Variants in RALYL observed in about 807,000 individuals in gnomAD.
The protein encoded by RALYL is RNA-binding Raly-like protein.
RALYL carries 29 observed loss-of-function variants against 35.1 expected under a neutral mutation model. The observed-to-expected ratio is 0.83, with a 90% CI of 0.61 to 1.13. The LOEUF (loss-of-function observed/expected upper bound fraction) is 1.13, where lower values mean the gene tolerates loss of function less well. RALYL is among the 50% of genes most tolerant of loss of function. The pLI, the probability that RALYL is intolerant of heterozygous loss-of-function variation, is 0.00. For synonymous variants in RALYL, 120 were observed against 127.6 expected, an observed-to-expected ratio of 0.94 and a Z score of 0.40; for missense variants, 359 against 360.4, an observed-to-expected ratio of 1.00 and a Z score of 0.03.
intron 2 of RALYL, among the ~76,000 whole-genome samples, chr8:84,657,420 TCAACCGAAAC>T (rs1830154342): frequency 6.6e-6 from 1 of 152,234 alleles, no homozygotes; most frequent in Non-Finnish European, 1.5e-5. Flanking sequence ...AGTCTTACTC[TCAACCGAAAC>T]TGGTTATGGT....
chr8:84,303,429 A>G (rs1841193378), intron 1 of RALYL, among the ~76,000 whole-genome samples: 3 of 152,310 alleles, frequency 2.0e-5, no homozygotes, highest in South Asian at 4.1e-4. Context: ...CTTAAGATAT[A>G]CCTTCCCCTG....
chr8:84,313,671 G>T (rs916569477), intron 1 of RALYL, among the ~76,000 whole-genome samples: 1 of 152,182 alleles, frequency 6.6e-6, no homozygotes, highest in African/African-American at 2.4e-5. Context: ...AGCATAGCAA[G>T]AGTCACCTTT....
In RALYL at chr8:84,342,276, CAATATA is replaced by C. The variant is rs1398541365; in HGVS notation, c.-24+157853_-24+157858del. 1.2e-4 allele frequency among the ~76,000 whole-genome samples: 7 copies of C among 56,804 alleles called. 1 individual carries two copies. Among genetic ancestry groups the C allele is most frequent in the African/African-American group, 2.0e-4 (2 of 9,988 alleles). The allele number at this position is 56,804 out of a possible 152,430, so 37.3% of individuals were successfully genotyped here. A position where few individuals can be genotyped will look rare whatever the true frequency, so the allele number is the denominator to read the frequency against. On this transcript the variant is annotated intron_variant, in intron 1 of 8. Transcript: ENST00000521268. ...GTGAGTGAGGGTACAGAGCATCGTT[CAATATA>C]TATATATATATATAAAACTCAAAAA... is the stretch of plus-strand genomic sequence containing the variant.
intron 7 of RALYL, among the ~76,000 whole-genome samples, chr8:84,881,398 A>T (rs976558846): frequency 2.6e-5 from 4 of 151,980 alleles, no homozygotes; most frequent in African/African-American, 9.7e-5. Context: ...TTGTATCAAC[A>T]TTCTTTCCAA....
chr8:84,521,582 A>G (rs1446826355), intron 1 of RALYL, among the ~76,000 whole-genome samples: 1 of 152,218 alleles, frequency 6.6e-6, no homozygotes, highest in African/African-American at 2.4e-5. Flanking sequence ...TTGGATCTTC[A>G]GCACTTCATT....
chr8:84,221,419 A>T (rs1822177528), intron 1 of RALYL, among the ~76,000 whole-genome samples: 1 of 152,048 alleles, frequency 6.6e-6, no homozygotes, highest in South Asian at 2.1e-4. Flanking sequence ...ACACTTTGAT[A>T]CGAAGTCAGC....
At chr8:84,684,265 T>C (rs780191508) in intron 2 of RALYL, among the ~76,000 whole-genome samples, 55 of 152,344 alleles carry the variant, frequency 3.6e-4, no homozygotes, top group Non-Finnish European at 6.9e-4. Context: ...GAATACGTGA[T>C]ACTTGTGCCA....
intron 2 of RALYL, among the ~76,000 whole-genome samples, chr8:84,697,999 G>T (rs899643558): frequency 2.6e-5 from 4 of 151,998 alleles, no homozygotes; most frequent in African/African-American, 9.7e-5. Context: ...AAAATCCTAG[G>T]TAGTGTTCTC....
chr8:84,469,185 A>C (rs531391904), intron 1 of RALYL, among the ~76,000 whole-genome samples: 1 of 152,246 alleles, frequency 6.6e-6, no homozygotes, highest in East Asian at 1.9e-4. Flanking sequence ...ATTGCTGGTG[A>C]GGAACTGTGT....
chr8:84,844,393 G>T (rs1030971525), intron 4 of RALYL, among the ~76,000 whole-genome samples: 1 of 152,196 alleles, frequency 6.6e-6, no homozygotes, highest in Non-Finnish European at 1.5e-5. Context: ...GGCCATCAGA[G>T]AAATGCAAAT....
chr8:84,564,929 C>T (rs997273735), intron 2 of RALYL, among the ~76,000 whole-genome samples: 1 of 151,626 alleles, frequency 6.6e-6, no homozygotes, highest in Non-Finnish European at 1.5e-5. Flanking sequence ...CAAGTATCTG[C>T]TCATGCCGCA....
intron 4 of RALYL, among the ~76,000 whole-genome samples, chr8:84,808,324 G>T (rs563812788): frequency 6.6e-6 from 1 of 151,928 alleles, no homozygotes; most frequent in Non-Finnish European, 1.5e-5. Flanking sequence ...AAGTATTTGG[G>T]TTTATTTCTG....
At position 84,479,085 on chromosome 8, in the gene RALYL, C is replaced by CAAAAAAAAAAAAA. The variant is rs56799862; in HGVS notation, c.-23-50188_-23-50176dup. On this transcript the variant is annotated intron_variant, in intron 1 of 8. Coordinates refer to ENST00000521268, the MANE Select transcript of RALYL (RefSeq NM_173848.7). ...TAGGTGACAGAGCAAGACTCCGTCT[C>CAAAAAAAAAAAAA]AAAAAAAAAAAAAAAAAAAAAAAAA... 1.8e-4 allele frequency among the ~76,000 whole-genome samples: 4 copies of CAAAAAAAAAAAAA among 21,828 alleles called. 1 individual carries two copies. The highest frequency in any genetic ancestry group is 3.1e-4 in the African/African-American group (3 of 9,586). 14.3% of individuals were successfully genotyped at this position (21,828 alleles called of 152,430 possible).
intron 1 of RALYL, among the ~76,000 whole-genome samples, chr8:84,489,394 GA>G (rs2055005231): frequency 6.6e-6 from 1 of 151,968 alleles, no homozygotes; most frequent in Non-Finnish European, 1.5e-5. Flanking sequence ...GATCTAAGAC[GA>G]ATGTTTAGTT....
intron 1 of RALYL, among the ~76,000 whole-genome samples, chr8:84,248,402 A>T (rs1349544387): frequency 6.6e-6 from 1 of 152,132 alleles, no homozygotes; most frequent in Non-Finnish European, 1.5e-5. Flanking sequence ...TTCCCAAGGG[A>T]TAGCACTTGA....
intron 1 of RALYL, among the ~76,000 whole-genome samples, chr8:84,274,077 C>G (rs981624355): frequency 4.6e-5 from 7 of 151,882 alleles, no homozygotes; most frequent in Admixed American, 3.9e-4. Flanking sequence ...TTTGTGATGC[C>G]CCCAAACTCT....
chr8:84,312,685 G>A (rs1005999543), intron 1 of RALYL, among the ~76,000 whole-genome samples: 1 of 152,240 alleles, frequency 6.6e-6, no homozygotes, highest in African/African-American at 2.4e-5. Flanking sequence ...TGATGCAAAG[G>A]GTGGGCTCCC....
chr8:84,206,414 A>G (rs931118074), intron 1 of RALYL, among the ~76,000 whole-genome samples: 1 of 152,176 alleles, frequency 6.6e-6, no homozygotes, highest in African/African-American at 2.4e-5. Flanking sequence ...TTATTTTAAG[A>G]GGGAACTTTT....
At chr8:84,812,954 T>C (rs1467262726) in intron 4 of RALYL, among the ~76,000 whole-genome samples, 1 of 152,198 alleles carries the variant, frequency 6.6e-6, no homozygotes, top group Non-Finnish European at 1.5e-5. Flanking sequence ...TTTCAAGTTG[T>C]TACAAAATTC....
Sources: gnomAD v4.1 joint callset for allele counts (sites outside exome capture counted in the v4.1 genomes callset) on GRCh38, gnomAD v4.1.1 for gene constraint, MANE v1.5 for transcripts, NCBI Gene and HGNC (gene_info 2026-07-23, HGNC 2026-07-21) for gene names.